The following EEA1 variants were observed in gnomAD, a reference collection of about 807,000 sequenced individuals.
EEA1 encodes the protein early endosome antigen 1, also known as early endosome antigen 1, 162kD.
A neutral mutation model predicts 209.2 loss-of-function variants in EEA1; 111 were observed. That is an observed-to-expected ratio of 0.53 (90% CI 0.45 to 0.62). EEA1 has a LOEUF of 0.62. Ranked by LOEUF, EEA1 falls within the 20% of genes least tolerant of loss-of-function variation. The pLI, the probability that EEA1 is intolerant of heterozygous loss-of-function variation, is 0.00. For synonymous variants in EEA1, 536 were observed against 540.6 expected, an observed-to-expected ratio of 0.99 and a Z score of 0.12; for missense variants, 1,343 against 1,530.8, an observed-to-expected ratio of 0.88 and a Z score of 2.05.
chr12:92,867,892 G>A (rs1436839155), intron 2 of EEA1, among the ~76,000 whole-genome samples: 2 of 151,946 alleles, frequency 1.3e-5, no homozygotes, highest in South Asian at 2.1e-4. Context: ...CACAGTCACT[G>A]GAATTCAGTA....
chr12:92,779,135 T>C lies in EEA1; in HGVS notation c.3634A>G (p.Ile1212Val). 3 of 1,601,932 alleles carry C rather than the reference T, an allele frequency of 1.9e-6. No homozygotes were observed. Among genetic ancestry groups the C allele is most frequent in the Non-Finnish European group, 2.5e-6 (3 of 1,177,218 alleles). ...CTGACCAACTTAGCTTCTTTCTCAATAAATTCTTTCTTCAGCTCCTCTTCT... is the reference window on the plus strand; with the variant it reads ...CTGACCAACTTAGCTTCTTTCTCAACAAATTCTTTCTTCAGCTCCTCTTCT... ...KEEEELKKEFIEKEAKLHSEI... is the reference protein window; with the variant it reads ...KEEEELKKEFVEKEAKLHSEI... The change falls in exon 25 of 29, where the codon ATT becomes GTT. Residue 1212 changes from isoleucine to valine, a missense_variant. Transcript: ENST00000322349.
At chr12:92,909,969 C>A (rs1880517310) in intron 1 of EEA1, among the ~76,000 whole-genome samples, 1 of 151,656 alleles carries the variant, frequency 6.6e-6, no homozygotes, top group Non-Finnish European at 1.5e-5. Context: ...GTGGAGAAAC[C>A]TTGTCTCTGC....
At chr12:92,910,212 C>T (rs528794773) in intron 1 of EEA1, among the ~76,000 whole-genome samples, 1 of 150,260 alleles carries the variant, frequency 6.7e-6, no homozygotes, top group Admixed American at 6.7e-5. Context: ...TGGCTCACAC[C>T]TATAATCCCA....
intron 1 of EEA1, among the ~76,000 whole-genome samples, chr12:92,896,224 G>A (rs977076640): frequency 2.6e-5 from 4 of 151,984 alleles, no homozygotes; most frequent in South Asian, 2.1e-4. Context: ...CACCCACTTC[G>A]GCCTCCCAAA....
intron 18 of EEA1, among the ~76,000 whole-genome samples, chr12:92,803,315 A>G (rs1000560977): frequency 5.9e-5 from 9 of 152,132 alleles, no homozygotes; most frequent in African/African-American, 2.2e-4. Context: ...AGGATTTGTT[A>G]TCATTTGTTC....
chr12:92,917,568 C>T (rs1592778012), intron 1 of EEA1, among the ~76,000 whole-genome samples: 1 of 151,654 alleles, frequency 6.6e-6, no homozygotes, highest in South Asian at 2.1e-4. Flanking sequence ...ACCACCAGAC[C>T]TGCCCTAAAA....
chr12:92,909,489 A>G (rs1228703459), intron 1 of EEA1, among the ~76,000 whole-genome samples: 1 of 152,236 alleles, frequency 6.6e-6, no homozygotes, highest in African/African-American at 2.4e-5. Flanking sequence ...ATAAAAATCC[A>G]TGAGTTAGTC....
chr12:92,923,501 C>G (rs1881092917), intron 1 of EEA1, among the ~76,000 whole-genome samples: 1 of 152,152 alleles, frequency 6.6e-6, no homozygotes, highest in Non-Finnish European at 1.5e-5. Flanking sequence ...TTGGATTTGT[C>G]TGGTTCCTAT....
At chr12:92,894,819 A>C (rs1377096734) in intron 1 of EEA1, among the ~76,000 whole-genome samples, 1 of 140,318 alleles carries the variant, frequency 7.1e-6, no homozygotes, top group Non-Finnish European at 1.6e-5. Context: ...TGATGAAGAT[A>C]TCTATATTAA....
chr12:92,830,128 C>A lies in EEA1; in HGVS notation c.1255-2067G>T, dbSNP rs149573846. Among the ~76,000 whole-genome samples the A allele has an allele frequency of 4.9e-4, 75 of 152,110 alleles. No individual in the cohort carries two copies. In the East Asian group the frequency reaches 0.013, roughly 26 times the overall value. Reference sequence around the variant, plus strand: ...TACACAACACATACATGCAAGAAATCTGCACTTTTACCCCCTAAATATATT... The same window carrying A: ...TACACAACACATACATGCAAGAAATATGCACTTTTACCCCCTAAATATATT... On this transcript the variant is annotated intron_variant, in intron 11 of 28. Coordinates refer to ENST00000322349, the MANE Select transcript of EEA1 (RefSeq NM_003566.4).
At chr12:92,790,243 TC>T (rs757131530) in intron 21 of EEA1, among the ~76,000 whole-genome samples, 1 of 152,072 alleles carries the variant, frequency 6.6e-6, no homozygotes, top group Non-Finnish European at 1.5e-5. Flanking sequence ...AGATCACAGC[TC>T]CTCGCCAGCA....
At chr12:92,862,815 A>AAAAATGATCACACC (rs1360005836) in intron 3 of EEA1, among the ~76,000 whole-genome samples, 5 of 152,350 alleles carry the variant, frequency 3.3e-5, no homozygotes, top group African/African-American at 1.2e-4. Flanking sequence ...GCAGATGTGT[A>AAAAATGATCACACC]AAAATGATCA....
intron 12 of EEA1, 106 bp downstream of exon 12, chr12:92,827,806 G>A: frequency 8.4e-7 from 1 of 1,196,936 alleles, no homozygotes; most frequent in South Asian, 2.3e-5. Flanking sequence ...CAATAAATTT[G>A]CACTTTAAAA....
intron 2 of EEA1, among the ~76,000 whole-genome samples, chr12:92,875,600 C>G (rs1171377170): frequency 6.6e-6 from 1 of 152,152 alleles, no homozygotes. Flanking sequence ...ACTCTTTGCT[C>G]CTACCCTCAC....
At chr12:92,927,579 CTT>C (rs1881257664) in intron 1 of EEA1, among the ~76,000 whole-genome samples, 1 of 152,300 alleles carries the variant, frequency 6.6e-6, no homozygotes, top group South Asian at 2.1e-4. Flanking sequence ...CCAGTAAACA[CTT>C]TTATTTGTAA....
At chr12:92,925,759 T>C (rs1265283248) in intron 1 of EEA1, among the ~76,000 whole-genome samples, 1 of 152,094 alleles carries the variant, frequency 6.6e-6, no homozygotes, top group Non-Finnish European at 1.5e-5. Flanking sequence ...AGTAAGCTAA[T>C]GAAAAAGGAG....
At chr12:92,815,059 C>T (rs1875714669) in intron 15 of EEA1, among the ~76,000 whole-genome samples, 1 of 152,074 alleles carries the variant, frequency 6.6e-6, no homozygotes, top group Non-Finnish European at 1.5e-5. Flanking sequence ...GGCCATACAT[C>T]CTACTTTATG....
At chr12:92,828,619 C>CATAT (rs111405083) in intron 11 of EEA1, among the ~76,000 whole-genome samples, 104 of 146,074 alleles carry the variant, frequency 7.1e-4, no homozygotes, top group Admixed American at 1.2e-3. Flanking sequence ...ATATATATAT[C>CATAT]ATATATATAT....
chr12:92,838,668 C>T (rs941243403), intron 10 of EEA1, among the ~76,000 whole-genome samples: 9 of 152,078 alleles, frequency 5.9e-5, no homozygotes, highest in Non-Finnish European at 1.0e-4. Flanking sequence ...TCTAGTAAAT[C>T]TGAGCACGTG....
Sources: allele counts gnomAD v4.1 joint callset (sites outside exome capture counted in the v4.1 genomes callset), GRCh38; gene constraint gnomAD v4.1.1; transcripts MANE v1.5; gene names NCBI Gene and HGNC (gene_info 2026-07-23, HGNC 2026-07-21).